Variants in RALYL observed in about 807,000 individuals in gnomAD.
RALYL encodes RALY RNA binding protein like.
A neutral mutation model predicts 35.1 loss-of-function variants in RALYL; 29 were observed. The ratio of observed to expected loss-of-function variants is 0.83; its 90% CI spans 0.61 to 1.13. RALYL has a LOEUF of 1.13. Among genes scored for constraint, RALYL ranks in the 50% most tolerant of loss-of-function variants. The pLI, the probability that RALYL is intolerant of heterozygous loss-of-function variation, is 0.00. For missense variants in RALYL, 359 were observed against 360.4 expected (o/e 1.00, Z 0.03); for synonymous variants, 120 against 127.6 (o/e 0.94, Z 0.40).
At chr8:84,391,006 A>G (rs1860555218) in intron 1 of RALYL, among the ~76,000 whole-genome samples, 1 of 151,938 alleles carries the variant, frequency 6.6e-6, no homozygotes, top group Non-Finnish European at 1.5e-5. Flanking sequence ...GGTTATGTGG[A>G]GATTTGGCTG....
chr8:84,864,200 T>G (rs1381787022), intron 6 of RALYL, among the ~76,000 whole-genome samples: 1 of 130,700 alleles, frequency 7.7e-6, no homozygotes, highest in African/African-American at 2.8e-5. Context: ...TGTGTGTGTG[T>G]TTGTGTGTGT....
chr8:84,694,518 T>A (rs1274254384), intron 2 of RALYL, among the ~76,000 whole-genome samples: 3 of 151,806 alleles, frequency 2.0e-5, no homozygotes, highest in African/African-American at 7.2e-5. Flanking sequence ...TAATATTTTT[T>A]AAATGACTAC....
chr8:84,193,474 A>C (rs1370252647), intron 1 of RALYL, among the ~76,000 whole-genome samples: 1 of 152,206 alleles, frequency 6.6e-6, no homozygotes, highest in Admixed American at 6.5e-5. Flanking sequence ...TATTTATTTA[A>C]CAGATATTTC....
At chr8:84,761,032 G>T (rs1586029450) in intron 2 of RALYL, among the ~76,000 whole-genome samples, 1 of 152,098 alleles carries the variant, frequency 6.6e-6, no homozygotes, top group East Asian at 1.9e-4. Context: ...GAGGTAAAAA[G>T]ACCACACTTA....
At chr8:84,484,976 C>A (rs1413552078) in intron 1 of RALYL, among the ~76,000 whole-genome samples, 3 of 152,064 alleles carry the variant, frequency 2.0e-5, no homozygotes, top group African/African-American at 2.4e-5. Context: ...TGTTTTAATC[C>A]AGTATCTTAT....
rs1845356738 is a variant in RALYL at position 84,899,747 on chromosome 8, C to G, written c.858+11971C>G. ...GTTTTCAGTGGTTCTGAAATATTGT[C>G]TCCCACGAGTGATAGAAATGCAAAT... On this transcript the variant is annotated intron_variant, in intron 8 of 8. Coordinates refer to ENST00000521268, the MANE Select transcript of RALYL (RefSeq NM_173848.7). 2.0e-5 allele frequency among the ~76,000 whole-genome samples: 3 copies of G among 152,122 alleles called. No homozygotes were observed. In the South Asian group the frequency reaches 6.2e-4, roughly 31 times the overall value.
At chr8:84,638,617 G>A (rs1213606054) in intron 2 of RALYL, among the ~76,000 whole-genome samples, 2 of 151,550 alleles carry the variant, frequency 1.3e-5, no homozygotes, top group African/African-American at 2.4e-5. Context: ...AAACAAAGTA[G>A]GAGATTAATA....
intron 1 of RALYL, among the ~76,000 whole-genome samples, chr8:84,271,119 G>A (rs1286289413): frequency 1.4e-5 from 2 of 147,336 alleles, no homozygotes; most frequent in African/African-American, 2.5e-5. Flanking sequence ...AAACAAGCTA[G>A]AGTGAAATGA....
chr8:84,873,864 A>G (rs1840659190), intron 7 of RALYL, among the ~76,000 whole-genome samples: 1 of 152,188 alleles, frequency 6.6e-6, no homozygotes, highest in Admixed American at 6.5e-5. Context: ...GTTCAGGAAC[A>G]TCAAGACTAA....
intron 1 of RALYL, among the ~76,000 whole-genome samples, chr8:84,396,809 C>G (rs1861842529): frequency 6.6e-6 from 1 of 151,896 alleles, no homozygotes; most frequent in African/African-American, 2.4e-5. Context: ...TTAAAATGAT[C>G]AGGATTGTCT....
At chr8:84,300,681 C>A (rs1188422613) in intron 1 of RALYL, among the ~76,000 whole-genome samples, 1 of 151,822 alleles carries the variant, frequency 6.6e-6, no homozygotes, top group East Asian at 1.9e-4. Flanking sequence ...TTATGTAATG[C>A]CTTTCTTTGT....
At chr8:84,638,523 G>C (rs1825542521) in intron 2 of RALYL, among the ~76,000 whole-genome samples, 1 of 151,770 alleles carries the variant, frequency 6.6e-6, no homozygotes, top group South Asian at 2.1e-4. Flanking sequence ...CAAAAAGCTT[G>C]TTCTTTGAAA....
chr8:84,407,079 C>CACACACAG (rs2043613306), intron 1 of RALYL, among the ~76,000 whole-genome samples: 1 of 151,492 alleles, frequency 6.6e-6, no homozygotes, highest in African/African-American at 2.4e-5. Context: ...AACACACACA[C>CACACACAG]ACACACAAGA....
intron 1 of RALYL, among the ~76,000 whole-genome samples, chr8:84,245,955 T>A (rs541218394): frequency 1.3e-5 from 2 of 152,116 alleles, no homozygotes; most frequent in Non-Finnish European, 2.9e-5. Flanking sequence ...CAGAGAGAGC[T>A]TCACAGAAAA....
chr8:84,708,267 ACC>A (rs1841557009), intron 2 of RALYL, among the ~76,000 whole-genome samples: 1 of 152,078 alleles, frequency 6.6e-6, no homozygotes, highest in Admixed American at 6.6e-5. Flanking sequence ...ATTGTACTAA[ACC>A]TTTGAAGATT....
chr8:84,513,112 G>T (rs1216829179), intron 1 of RALYL, among the ~76,000 whole-genome samples: 4 of 152,054 alleles, frequency 2.6e-5, no homozygotes. Flanking sequence ...GCTTTGGGTG[G>T]TATAATCATT....
chr8:84,285,524 C>T (rs762890575), intron 1 of RALYL, among the ~76,000 whole-genome samples: 4 of 151,888 alleles, frequency 2.6e-5, no homozygotes, highest in Non-Finnish European at 5.9e-5. Context: ...TGCTATGGAA[C>T]ATGGAAGGGG....
intron 2 of RALYL, among the ~76,000 whole-genome samples, chr8:84,729,091 T>C (rs1488803226): frequency 6.6e-6 from 1 of 152,224 alleles, no homozygotes; most frequent in Non-Finnish European, 1.5e-5. Flanking sequence ...ATGATATTGA[T>C]TCTTCCTACC....
intron 1 of RALYL, among the ~76,000 whole-genome samples, chr8:84,468,937 G>A (rs1224064428): frequency 5.3e-5 from 8 of 151,024 alleles, no homozygotes; most frequent in Middle Eastern, 3.4e-3. Context: ...TGATCGCATC[G>A]GCTCCTGAGG....
Sources: gnomAD v4.1 joint callset for allele counts (sites outside exome capture counted in the v4.1 genomes callset) on GRCh38, gnomAD v4.1.1 for gene constraint, MANE v1.5 for transcripts, NCBI Gene and HGNC (gene_info 2026-07-23, HGNC 2026-07-21) for gene names.